Variants in ERCC8 observed in about 807,000 individuals in gnomAD.
ERCC8 encodes the protein ERCC excision repair 8, CSA ubiquitin ligase complex subunit.
Under a neutral mutation model 54.9 loss-of-function variants are expected in ERCC8, and 52 were observed. The ratio of observed to expected loss-of-function variants is 0.95; its 90% CI spans 0.76 to 1.19. The LOEUF is 1.19. Among genes scored for constraint, ERCC8 ranks in the 50% most tolerant of loss-of-function variants. The probability of loss-of-function intolerance (pLI) is 0.00; values close to 1 mark genes in which losing one functional copy is unlikely to be tolerated. For synonymous variants in ERCC8, 146 were observed against 157.2 expected, an observed-to-expected ratio of 0.93 and a Z score of 0.53; for missense variants, 514 against 466.1, an observed-to-expected ratio of 1.10 and a Z score of -0.95.
At chr5:60,921,912 G>A (rs574238840) in intron 3 of ERCC8, 142 bp downstream of exon 3, 2 of 513,806 alleles carry the variant, frequency 3.9e-6, no homozygotes, top group Admixed American at 6.9e-5. Context: ...TCAAGAAAGT[G>A]TCAAGGAACA....
Position 60,893,218 on chromosome 5 carries a change from G to A in ERCC8, c.844-2132C>T, listed in dbSNP as rs376532012. Reference sequence around the variant, plus strand: ...ACATCAGAGTATTCTACCACCTCACGGACTCCTTGTAATAAGCCTTCATAG... The same window carrying A: ...ACATCAGAGTATTCTACCACCTCACAGACTCCTTGTAATAAGCCTTCATAG... On this transcript the variant is annotated intron_variant, in intron 9 of 11. Transcript: ENST00000676185. 2.1e-4 allele frequency: 207 copies of A among 968,506 alleles called. 1 individual carries two copies. In the Middle Eastern group the frequency reaches 3.0e-3, roughly 14 times the overall value. The allele number at this position is 968,506 out of a possible 1,614,324, so 60.0% of individuals were successfully genotyped here. A position where few individuals can be genotyped will look rare whatever the true frequency, so the allele number is the denominator to read the frequency against.
intron 4 of ERCC8, among the ~76,000 whole-genome samples, chr5:60,908,709 T>TA (rs1412837388): frequency 6.6e-6 from 1 of 151,450 alleles, no homozygotes; most frequent in Admixed American, 6.6e-5. Context: ...CATGACATTA[T>TA]AAAAAAAGGC....
intron 11 of ERCC8, among the ~76,000 whole-genome samples, chr5:60,879,783 G>A (rs1357519313): frequency 6.6e-6 from 1 of 152,152 alleles, no homozygotes; most frequent in East Asian, 1.9e-4. Flanking sequence ...TGGGTTTCCT[G>A]AATACAGCAC....
intron 3 of ERCC8, among the ~76,000 whole-genome samples, chr5:60,919,051 G>C (rs1367524567): frequency 6.6e-6 from 1 of 152,012 alleles, no homozygotes; most frequent in African/African-American, 2.4e-5. Context: ...ACTGGATCTT[G>C]ATTCAAACAA....
intron 11 of ERCC8, among the ~76,000 whole-genome samples, chr5:60,886,654 A>T (rs1390977694): frequency 6.6e-6 from 1 of 151,702 alleles, no homozygotes; most frequent in East Asian, 1.9e-4. Context: ...GTGAGCCAAG[A>T]TCACGCCACT....
At chr5:60,895,516 A>G (rs966477936) in intron 9 of ERCC8, among the ~76,000 whole-genome samples, 7 of 152,254 alleles carry the variant, frequency 4.6e-5, no homozygotes, top group African/African-American at 1.7e-4. Flanking sequence ...AAATAACATC[A>G]TTTACTTATA....
intron 4 of ERCC8, among the ~76,000 whole-genome samples, chr5:60,908,650 G>A (rs1043857217): frequency 6.7e-6 from 1 of 149,468 alleles, no homozygotes; most frequent in African/African-American, 2.5e-5. Flanking sequence ...GAACCCATAC[G>A]AAGTGTCACT....
chr5:60,882,619 T>A (rs1032138620), intron 11 of ERCC8, among the ~76,000 whole-genome samples: 1 of 152,024 alleles, frequency 6.6e-6, no homozygotes. Context: ...GAACTCCAGA[T>A]CTTGTGATCT....
intron 4 of ERCC8, among the ~76,000 whole-genome samples, chr5:60,911,749 T>C (rs1749272484): frequency 8.1e-6 from 1 of 123,954 alleles, no homozygotes; most frequent in South Asian, 3.0e-4. Context: ...CTTTAATCCA[T>C]CTTGAATTAA....
chr5:60,925,822 ATCTT>A (rs903558942), intron 2 of ERCC8, among the ~76,000 whole-genome samples: 21 of 152,050 alleles, frequency 1.4e-4, no homozygotes, highest in South Asian at 4.1e-4. Flanking sequence ...TGACATTGTC[ATCTT>A]TCTTTCTTTT....
intron 3 of ERCC8, 121 bp from the exon 4 acceptor site, chr5:60,918,509 T>C (rs965174314): frequency 7.5e-6 from 6 of 805,274 alleles, no homozygotes; most frequent in Non-Finnish European, 1.0e-5. Context: ...CGAGATCACA[T>C]GCCTGTGTCC....
intron 1 of ERCC8, among the ~76,000 whole-genome samples, chr5:60,944,036 G>A (rs555413650): frequency 3.3e-5 from 5 of 152,226 alleles, no homozygotes; most frequent in Non-Finnish European, 7.3e-5. Context: ...AATTAATGTG[G>A]GCAAAATTAA....
chr5:60,893,048 C>T lies in ERCC8; in HGVS notation c.844-1962G>A, dbSNP rs1453444377. 6.4e-6 allele frequency: 5 copies of T among 781,190 alleles called. No homozygotes were observed. The East Asian group carries it at 1.2e-4, about 19-fold the overall frequency. The allele number at this position is 781,190 out of a possible 1,614,324, so 48.4% of individuals were successfully genotyped here. A position where few individuals can be genotyped will look rare whatever the true frequency, so the allele number is the denominator to read the frequency against. ...ACTCATTCCGAAGGTAATCCAGCCA[C>T]TTCACAACCTCCTTGGGGTCCAGGT... On this transcript the variant is annotated intron_variant, in intron 9 of 11. Coordinates refer to ENST00000676185, the MANE Select transcript of ERCC8 (RefSeq NM_000082.4).
rs185574679 is a variant in ERCC8 at position 60,911,615 on chromosome 5, T to C, written c.399+6650A>G. Among the ~76,000 whole-genome samples the C allele has an allele frequency of 2.3e-3, 350 of 152,346 alleles. 1 individual carries two copies. The highest frequency in any genetic ancestry group is 7.9e-3 in the African/African-American group (329 of 41,578). ...TTTAATTAGATCCCACTTGTCAATT[T>C]TGACTTTTGTTGCCATTGCTTTTGG... is the stretch of plus-strand genomic sequence containing the variant. On this transcript the variant is annotated intron_variant, in intron 4 of 11. Coordinates refer to ENST00000676185, the MANE Select transcript of ERCC8 (RefSeq NM_000082.4).
At chr5:60,918,129 C>G in intron 4 of ERCC8, 136 bp downstream of exon 4, 1 of 707,422 alleles carries the variant, frequency 1.4e-6, no homozygotes, top group Non-Finnish European at 2.5e-6. Context: ...CTCAAGTAGT[C>G]TAGCTCTTCT....
In ERCC8 at chr5:60,912,892, G is replaced by A. The variant is rs546456432; in HGVS notation, c.399+5373C>T. On this transcript the variant is annotated intron_variant, in intron 4 of 11. Transcript: ENST00000676185. ...TGGTTCTGTTTATGTGATGGATTACGTGTATTGATTTGCCTATATTGAACC... is the reference window on the plus strand; with the variant it reads ...TGGTTCTGTTTATGTGATGGATTACATGTATTGATTTGCCTATATTGAACC... 6.6e-5 allele frequency among the ~76,000 whole-genome samples: 10 copies of A among 152,108 alleles called. No homozygotes were observed. In the South Asian group the frequency reaches 8.3e-4, roughly 13 times the overall value.
At chr5:60,910,016 AC>A (rs1198556438) in intron 4 of ERCC8, 1 of 152,134 alleles carries the variant, frequency 6.6e-6, no homozygotes, top group Non-Finnish European at 1.5e-5. Flanking sequence ...CATATAACAT[AC>A]AAAGTTGTGT....
intron 1 of ERCC8, among the ~76,000 whole-genome samples, chr5:60,938,350 AT>A (rs1231887020): frequency 3.1e-3 from 128 of 41,056 alleles, no homozygotes; most frequent in African/African-American, 4.3e-3. Context: ...ACCTTTTTGA[AT>A]TTTTTTTTTT....
chr5:60,939,657 G>A (rs776992717), intron 1 of ERCC8, among the ~76,000 whole-genome samples: 14 of 151,866 alleles, frequency 9.2e-5, no homozygotes, highest in Non-Finnish European at 1.8e-4. Context: ...GAGCACGCCC[G>A]GCTGATTTTT....
Sources: gnomAD v4.1 joint callset for allele counts (sites outside exome capture counted in the v4.1 genomes callset) on GRCh38, gnomAD v4.1.1 for gene constraint, MANE v1.5 for transcripts, NCBI Gene and HGNC (gene_info 2026-07-23, HGNC 2026-07-21) for gene names.